Variants in BTG4 observed in about 807,000 individuals in gnomAD.
The protein encoded by BTG4 is BTG anti-proliferation factor 4, also known as protein BTG4.
Under a neutral mutation model 19.3 loss-of-function variants are expected in BTG4, and 10 were observed. That is an observed-to-expected ratio of 0.52 (90% CI 0.32 to 0.88). The LOEUF (loss-of-function observed/expected upper bound fraction) is 0.88, where lower values mean the gene tolerates loss of function less well. BTG4 is among the 40% of genes least tolerant of loss of function. The probability of loss-of-function intolerance (pLI) is 0.04; values close to 1 mark genes in which losing one functional copy is unlikely to be tolerated. For synonymous variants in BTG4, 91 were observed against 95.7 expected (o/e 0.95, Z 0.29); for missense variants, 238 against 281.9 (o/e 0.84, Z 1.11).
the BTG4 span, among the ~76,000 whole-genome samples, chr11:111,439,788 A>G: frequency 6.6e-6 from 1 of 152,134 alleles, no homozygotes; most frequent in Non-Finnish European, 1.5e-5. Flanking sequence ...CCTTTCAAAG[A>G]CATGCTCAGC....
At chr11:111,497,726 A>G (rs993360013) in intron 3 of BTG4, among the ~76,000 whole-genome samples, 1 of 152,182 alleles carries the variant, frequency 6.6e-6, no homozygotes, top group African/African-American at 2.4e-5. Flanking sequence ...ACAGTTTGTA[A>G]TAGATACTGT....
downstream of BTG4, among the ~76,000 whole-genome samples, chr11:111,493,810 T>C (rs1046794117): frequency 3.3e-5 from 5 of 151,952 alleles, no homozygotes; most frequent in Non-Finnish European, 7.4e-5. Context: ...TAATGAACCA[T>C]CGTTTCTAGA....
At chr11:111,453,319 G>A in the BTG4 span, 1 of 364,954 alleles carries the variant, frequency 2.7e-6, no homozygotes, top group Non-Finnish European at 5.6e-6. Flanking sequence ...CCACGGTGAA[G>A]TGCGACCTGT....
the BTG4 span, among the ~76,000 whole-genome samples, chr11:111,429,036 AAT>A: frequency 1.3e-5 from 2 of 152,142 alleles, no homozygotes; most frequent in Non-Finnish European, 2.9e-5. Context: ...ACTTTTCTTA[AAT>A]TGAGGTAAAA....
the BTG4 span, chr11:111,454,287 AG>A: frequency 4.2e-5 from 19 of 456,360 alleles, no homozygotes. Flanking sequence ...TTTGACACAG[AG>A]GCCTTCTTTG....
In BTG4 at chr11:111,481,214, C is replaced by G. The variant is rs537582489; in HGVS notation, c.663-13533G>C. ...AAATAGGCTAATTTGTTAAGAAACA[C>G]AAAGTATTACAACTCACCCAATATG... On this transcript the variant is annotated intron_variant, in intron 5 of 5. Transcript: ENST00000356018. Among the ~76,000 whole-genome samples, 329 of 151,920 alleles carry G rather than the reference C, an allele frequency of 2.2e-3. 1 individual carries two copies. The highest frequency in any genetic ancestry group is 4.3e-3 in the Non-Finnish European group (291 of 67,810).
At chr11:111,451,515 C>G in the BTG4 span, 10 of 394,894 alleles carry the variant, frequency 2.5e-5, no homozygotes, top group South Asian at 1.7e-4. Context: ...CCTGTAATCC[C>G]AGCACTTTGG....
At chr11:111,421,541 G>A in the BTG4 span, among the ~76,000 whole-genome samples, 1 of 152,216 alleles carries the variant, frequency 6.6e-6, no homozygotes, top group African/African-American at 2.4e-5. Flanking sequence ...CTGCACCTTA[G>A]AGGCATAGAC....
At chr11:111,487,988 A>T (rs1406048764) in intron 5 of BTG4, among the ~76,000 whole-genome samples, 1 of 152,192 alleles carries the variant, frequency 6.6e-6, no homozygotes, top group Non-Finnish European at 1.5e-5. Context: ...TTCCATGTTC[A>T]TGGACTGGAA....
In BTG4 at chr11:111,503,111, C is replaced by T. The variant is rs76451153; in HGVS notation, c.-26-4309G>A. On this transcript the variant is annotated intron_variant, in intron 1 of 4. Transcript: ENST00000692032. ...TCAACTTTCCTTTCAAGAGGCTTAT[C>T]ATCTAGAGAGGGAAACCAAATACAT... Among the ~76,000 whole-genome samples, 391 of 152,276 alleles carry T rather than the reference C, an allele frequency of 2.6e-3. 3 individuals carry two copies. Among genetic ancestry groups the T allele is most frequent in the African/African-American group, 9.0e-3 (376 of 41,556 alleles).
At chr11:111,387,871 A>G in the BTG4 span, among the ~76,000 whole-genome samples, 1,021 of 152,226 alleles carry the variant, frequency 6.7e-3, 9 homozygotes, top group Non-Finnish European at 0.011. Flanking sequence ...TGTCCAAGGC[A>G]CAGAGACCTT....
At chr11:111,392,200 C>T in the BTG4 span, among the ~76,000 whole-genome samples, 18 of 67,612 alleles carry the variant, frequency 2.7e-4, no homozygotes, top group Admixed American at 4.7e-4. Context: ...TTTTTTGAGA[C>T]GGAGTCTTGC....
At chr11:111,436,217 T>C in the BTG4 span, among the ~76,000 whole-genome samples, 2 of 152,306 alleles carry the variant, frequency 1.3e-5, no homozygotes, top group Admixed American at 1.3e-4. Context: ...GATCAGTAGC[T>C]GCAAATCCAG....
At chr11:111,498,575 C>T in intron 2 of BTG4, 29 bp downstream of exon 2, 4 of 1,582,690 alleles carry the variant, frequency 2.5e-6, no homozygotes, top group African/African-American at 1.4e-5. Context: ...TGATTGCTTC[C>T]CTTTGCCATC....
chr11:111,473,415 G>A (rs1864200658), intron 5 of BTG4: 1 of 152,608 alleles, frequency 6.6e-6, no homozygotes, highest in African/African-American at 2.4e-5. Flanking sequence ...ATTTGGGAGT[G>A]AAGATAAGGT....
chr11:111,451,275 T>C, the BTG4 span: 2 of 377,896 alleles, frequency 5.3e-6, no homozygotes, highest in Admixed American at 2.7e-5. Flanking sequence ...ACTGGAGCAA[T>C]ATGACTGGCG....
the BTG4 span, among the ~76,000 whole-genome samples, chr11:111,461,595 TC>T: frequency 6.6e-6 from 1 of 152,126 alleles, no homozygotes; most frequent in East Asian, 1.9e-4. Flanking sequence ...TCACCTTTAA[TC>T]CCAGCTACTT....
the BTG4 span, among the ~76,000 whole-genome samples, chr11:111,387,599 G>T: frequency 6.6e-6 from 1 of 152,162 alleles, no homozygotes; most frequent in African/African-American, 2.4e-5. Context: ...GTACTAGACA[G>T]ATGGCCTCTA....
the BTG4 span, among the ~76,000 whole-genome samples, chr11:111,404,079 TTTCCTATGC>T: frequency 6.6e-6 from 1 of 152,158 alleles, no homozygotes; most frequent in Non-Finnish European, 1.5e-5. Flanking sequence ...GGAGCAGGTC[TTTCCTATGC>T]TGTTCTCATG....
Sources: allele counts gnomAD v4.1 joint callset (sites outside exome capture counted in the v4.1 genomes callset), GRCh38; gene constraint gnomAD v4.1.1; transcripts MANE v1.5; gene names NCBI Gene and HGNC (gene_info 2026-07-23, HGNC 2026-07-21).